RPL27A: variants seen among roughly 807,000 people sequenced by gnomAD.
RPL27A encodes ribosomal protein L27a.
For synonymous variants in RPL27A, 69 were observed against 68.3 expected (o/e 1.01, Z -0.05); for missense variants, 118 against 189.4 (o/e 0.62, Z 2.21).
intron 4 of RPL27A, 197 bp downstream of exon 4, chr11:8,685,089 T>C (rs143988471): frequency 9.8e-4 from 611 of 621,884 alleles, no homozygotes; most frequent in Non-Finnish European, 1.4e-3. Flanking sequence ...CAGGTTTGCA[T>C]TTCGTGCTTG....
At chr11:8,684,372 C>T (rs1264841391) in intron 3 of RPL27A, 1 of 724,346 alleles carries the variant, frequency 1.4e-6, no homozygotes, top group Admixed American at 1.7e-5. Context: ...ATTCACCTAC[C>T]CACAAACTAG....
Position 8,688,401 on chromosome 11 carries a change from A to G in RPL27A, c.*2595A>G, listed in dbSNP as rs1432887280. The stretch of plus-strand genomic sequence containing the variant: ...GGCTTGTTCACTCACCAGAAGCTAC[A>G]GCTACTAACAGTTCTAAAAACTGTT... On this transcript the variant is annotated 3_prime_UTR_variant, in exon 5 of 5. Coordinates refer to ENST00000314138, the MANE Select transcript of RPL27A (RefSeq NM_000990.5). The G allele has an allele frequency of 2.0e-5, 3 of 149,520 alleles. No individual in the cohort carries two copies. The highest frequency in any genetic ancestry group is 4.4e-5 in the Non-Finnish European group (3 of 67,592). The allele number at this position is 149,520 out of a possible 1,614,324, so 9.3% of individuals were successfully genotyped here.
In RPL27A at chr11:8,688,732, G is replaced by A. The variant is rs901384065; in HGVS notation, c.*2926G>A. 1 of 152,254 alleles carries A rather than the reference G, an allele frequency of 6.6e-6. No homozygotes were observed. Among genetic ancestry groups the A allele is most frequent in the Non-Finnish European group, 1.5e-5 (1 of 68,048 alleles). The allele number at this position is 152,254 out of a possible 1,614,324, so 9.4% of individuals were successfully genotyped here. On this transcript the variant is annotated 3_prime_UTR_variant, in exon 5 of 5. Coordinates refer to ENST00000314138, the MANE Select transcript of RPL27A (RefSeq NM_000990.5). ...AATTTGCACAAGCAGTGCTCGTCAA[G>A]GGCAGCTAAATCAGGCGAGCTTTCA...
At chr11:8,684,625 A>T in intron 3 of RPL27A, 93 bp from the exon 4 acceptor site, 2 of 1,114,310 alleles carry the variant, frequency 1.8e-6, no homozygotes, top group South Asian at 2.8e-5. Context: ...CCAGTGAATA[A>T]TTTACACTCT....
chr11:8,684,011 C>A lies in RPL27A; in HGVS notation c.73C>A (p.His25Asn), dbSNP rs777016797. 1.9e-6 allele frequency: 3 copies of A among 1,611,826 alleles called. No individual in the cohort carries two copies. In the South Asian group the frequency reaches 3.3e-5, roughly 18 times the overall value. Residue 25 changes from histidine (H) to asparagine (N), a missense_variant, in exon 3 of 5, where the codon CAC (histidine) becomes AAC (asparagine). Coordinates refer to ENST00000314138, the MANE Select transcript of RPL27A (RefSeq NM_000990.5). ...GTAGCTTTGTATTCCTGCAGGCAAG[C>A]ACCGGAAGCACCCCGGCGGCCGCGG... ...VSHGHGRIGK[H>N]RKHPGGRGNA... is the part of the protein sequence containing the mutation.
chr11:8,684,177 T>A, intron 3 of RPL27A, 96 bp downstream of exon 3: 1 of 1,012,530 alleles, frequency 9.9e-7, no homozygotes, highest in Non-Finnish European at 1.6e-6. Context: ...AAGCCTTGCC[T>A]ATTGCTGTTT....
intron 3 of RPL27A, 103 bp downstream of exon 3, chr11:8,684,184 G>T (rs1418788031): frequency 2.1e-6 from 2 of 949,406 alleles, no homozygotes; most frequent in Admixed American, 1.7e-5. Context: ...GCCTATTGCT[G>T]TTTTTTACCA....
rs2039618639 is a variant in RPL27A at position 8,689,557 on chromosome 11, A to G, written c.*3751A>G. 3.3e-5 allele frequency: 5 copies of G among 152,218 alleles called. No individual in the cohort carries two copies. The highest frequency in any genetic ancestry group is 2.1e-4 in the South Asian group (1 of 4,826). The allele number at this position is 152,218 out of a possible 1,614,324, so 9.4% of individuals were successfully genotyped here. On this transcript the variant is annotated 3_prime_UTR_variant, in exon 5 of 5. Coordinates refer to ENST00000314138, the MANE Select transcript of RPL27A (RefSeq NM_000990.5). ...CAGAACTTGCCGTTGCTGAAAAGTA[A>G]TATTTTCTCTTTCGAGAGTTTTCAT...
chr11:8,684,980 C>T (rs986332824), intron 4 of RPL27A, 88 bp downstream of exon 4: 2 of 1,242,988 alleles, frequency 1.6e-6, no homozygotes, highest in Admixed American at 3.4e-5. Flanking sequence ...ATCTGTACTT[C>T]CCAGTTACCT....
chr11:8,685,000 T>C, intron 4 of RPL27A, 108 bp downstream of exon 4: 1 of 1,078,896 alleles, frequency 9.3e-7, no homozygotes, highest in Middle Eastern at 2.0e-4. Flanking sequence ...TACCAGACAT[T>C]GATATTCTTC....
In RPL27A at chr11:8,683,986, G is replaced by T; in HGVS notation, c.68-20G>T. The T allele has an allele frequency of 6.2e-7, 1 of 1,606,620 alleles. No individual in the cohort carries two copies. Among genetic ancestry groups the T allele is most frequent in the African/African-American group, 1.3e-5 (1 of 74,946 alleles). ...GCATGAGCCATCACACCGGCCCCAC[G>T]TAGCTTTGTATTCCTGCAGGCAAGC... On this transcript the variant is annotated intron_variant, in intron 2 of 4. Transcript: ENST00000314138.
rs1264448029 is a variant in RPL27A at position 8,684,571 on chromosome 11, T to TA, written c.144-147_144-146insA. 4.1e-6 allele frequency: 3 copies of TA among 723,612 alleles called. No individual in the cohort carries two copies. The African/African-American group carries it at 5.3e-5, about 13-fold the overall frequency. 44.8% of individuals were successfully genotyped at this position (723,612 alleles called of 1,614,324 possible). A position where few individuals can be genotyped will look rare whatever the true frequency, so the allele number is the denominator to read the frequency against. On this transcript the variant is annotated intron_variant, in intron 3 of 4. Transcript: ENST00000314138. ...AGTCTTTGGTGGTTTTTAAAACAGTTGTTTAAGTCAACAGATGTATCATAT... is the reference window on the plus strand; with the variant it reads ...AGTCTTTGGTGGTTTTTAAAACAGTTAGTTTAAGTCAACAGATGTATCATAT...
intron 4 of RPL27A, 61 bp downstream of exon 4, chr11:8,684,953 T>A: frequency 6.8e-7 from 1 of 1,475,030 alleles, no homozygotes; most frequent in Non-Finnish European, 9.5e-7. Context: ...TCTGGCTTAA[T>A]CTAATCCACT....
intron 4 of RPL27A, 106 bp downstream of exon 4, chr11:8,684,998 A>G (rs2039572367): frequency 1.8e-6 from 2 of 1,090,350 alleles, no homozygotes; most frequent in South Asian, 1.3e-5. Flanking sequence ...CCTACCAGAC[A>G]TTGATATTCT....
rs761934494 is a variant in RPL27A, at chr11:8,685,810, C to T, written c.*4C>T. On this transcript the variant is annotated 3_prime_UTR_variant, in exon 5 of 5. Coordinates refer to ENST00000314138, the MANE Select transcript of RPL27A (RefSeq NM_000990.5). ...GGCCTGTGTCCTGGTGGCTTGAAGC[C>T]ACATGGAGGGAGTTTCATTAAATGC... 1.9e-6 allele frequency: 3 copies of T among 1,613,452 alleles called. No homozygotes were observed. In the Admixed American group the frequency reaches 5.0e-5, roughly 27 times the overall value.
At chr11:8,683,074 C>T (rs1470010195) in intron 1 of RPL27A, 128 bp from the exon 2 acceptor site, 4 of 1,042,040 alleles carry the variant, frequency 3.8e-6, no homozygotes, top group Non-Finnish European at 5.9e-6. Flanking sequence ...GGATCGGTAC[C>T]CTCAGCTTTC....
rs1364649674 is a variant in RPL27A at position 8,686,998 on chromosome 11, A to G, written c.*1192A>G. ...AATAAGCCGAGAACCATGGCTGTCT[A>G]TGGGACACATCTGTCAGGACAACCT... is the stretch of plus-strand genomic sequence containing the variant. On this transcript the variant is annotated 3_prime_UTR_variant, in exon 5 of 5. Coordinates refer to ENST00000314138, the MANE Select transcript of RPL27A (RefSeq NM_000990.5). 6.6e-6 allele frequency: 1 copy of G among 152,216 alleles called. No individual in the cohort carries two copies. Among genetic ancestry groups the G allele is most frequent in the Non-Finnish European group, 1.5e-5 (1 of 68,040 alleles). The allele number at this position is 152,216 out of a possible 1,614,324, so 9.4% of individuals were successfully genotyped here. A position where few individuals can be genotyped will look rare whatever the true frequency, so the allele number is the denominator to read the frequency against.
rs189117738 is a variant in RPL27A at position 8,682,851 on chromosome 11, C to A, written c.3+35C>A. 4.3e-4 allele frequency: 687 copies of A among 1,604,704 alleles called. 1 individual carries two copies. In the African/African-American group the frequency reaches 8.4e-3, roughly 20 times the overall value. ...TCGTTTCTTGCCTCCTCTTCCTTGCCGGCGGAGACCCCTAAGCTGTATTCC... is the reference window on the plus strand; with the variant it reads ...TCGTTTCTTGCCTCCTCTTCCTTGCAGGCGGAGACCCCTAAGCTGTATTCC... On this transcript the variant is annotated intron_variant, in intron 1 of 4. Coordinates refer to ENST00000314138, the MANE Select transcript of RPL27A (RefSeq NM_000990.5).
At position 8,687,389 on chromosome 11, in the gene RPL27A, T is replaced by TCCCCTCCC. The variant is rs760354952; in HGVS notation, c.*1585_*1586insCCTCCCCC. 9.9e-6 allele frequency: 1 copy of TCCCCTCCC among 100,804 alleles called. No individual in the cohort carries two copies. Among genetic ancestry groups the TCCCCTCCC allele is most frequent in the Non-Finnish European group, 2.2e-5 (1 of 45,800 alleles). 6.2% of individuals were successfully genotyped at this position (100,804 alleles called of 1,614,324 possible). ...CTTGGGCAACAAGAGTGAAACTCTGTCCACCCCCCCCAAAAAAAGTAAGGG... is the reference window on the plus strand; with the variant it reads ...CTTGGGCAACAAGAGTGAAACTCTGTCCCCTCCCCCACCCCCCCCAAAAAAAGTAAGGG... On this transcript the variant is annotated 3_prime_UTR_variant, in exon 5 of 5. Coordinates refer to ENST00000314138, the MANE Select transcript of RPL27A (RefSeq NM_000990.5).
Sources: allele counts gnomAD v4.1 joint callset, GRCh38; gene constraint gnomAD v4.1.1; transcripts MANE v1.5; gene names NCBI Gene and HGNC (gene_info 2026-07-23, HGNC 2026-07-21).